Variants in SLAMF6 observed in about 807,000 individuals in gnomAD.
SLAMF6 encodes the protein SLAM family member 6.
SLAMF6 carries 21 observed loss-of-function variants against 38.3 expected under a neutral mutation model. The observed-to-expected ratio is 0.55, with a 90% CI of 0.39 to 0.79. SLAMF6 has a LOEUF of 0.79. Among genes scored for constraint, SLAMF6 ranks in the 30% least tolerant of loss-of-function variants. The probability of loss-of-function intolerance (pLI) is 0.00; values close to 1 mark genes in which losing one functional copy is unlikely to be tolerated. For synonymous variants in SLAMF6, 152 were observed against 146.3 expected, an observed-to-expected ratio of 1.04 and a Z score of -0.28; for missense variants, 341 against 385.3, an observed-to-expected ratio of 0.89 and a Z score of 0.96.
intron 3 of SLAMF6, 86 bp from the exon 4 acceptor site, chr1:160,490,771 C>T: frequency 6.5e-7 from 1 of 1,531,076 alleles, no homozygotes; most frequent in Non-Finnish European, 8.7e-7. Context: ...TCTTCTAGGC[C>T]ATCTTTGGGG....
Position 160,491,294 on chromosome 1 carries a change from A to T in SLAMF6, c.477T>A (p.Asp159Glu), listed in dbSNP as rs749437647. 1.2e-6 allele frequency: 2 copies of T among 1,614,094 alleles called. No homozygotes were observed. The highest frequency in any genetic ancestry group is 4.5e-5 in the East Asian group (2 of 44,876). ...LHLTCSVEDA[D>E]DNVSFRWEAL... ...CCTCCCATCTGAATGAGACATTGTC[A>T]TCTGCATCCTCCACAGAGCAAGTCA... Residue 159 changes from aspartate (D) to glutamate (E), a missense_variant, in exon 3 of 8, where the codon GAT becomes GAA. Physicochemically the swap from Asp to Glu is conservative, Grantham distance 45. Transcript: ENST00000368057.
intron 1 of SLAMF6, among the ~76,000 whole-genome samples, chr1:160,506,403 A>G (rs1487260083): frequency 6.6e-6 from 1 of 152,200 alleles, no homozygotes; most frequent in African/African-American, 2.4e-5. Context: ...CCCATCAACC[A>G]AGAATTCTAC....
intron 1 of SLAMF6, among the ~76,000 whole-genome samples, chr1:160,517,528 G>T (rs187668395): frequency 2.0e-5 from 3 of 152,016 alleles, no homozygotes; most frequent in Non-Finnish European, 2.9e-5. Flanking sequence ...AATATAAATC[G>T]CTCTGTTACA....
Position 160,486,477 on chromosome 1 carries a change from GA to G in SLAMF6, c.*229del, listed in dbSNP as rs972247181. On this transcript the variant is annotated 3_prime_UTR_variant, in exon 8 of 8. Coordinates refer to ENST00000368057, the MANE Select transcript of SLAMF6 (RefSeq NM_001184714.2). ...TGTTATCTTTAGCATGTTTTGGCCT[GA>G]AGTGGATTGGAAAATATTATTTGAA... 1.8e-5 allele frequency: 9 copies of G among 502,530 alleles called. No individual in the cohort carries two copies. Among genetic ancestry groups the G allele is most frequent in the Admixed American group, 3.5e-5 (1 of 28,804 alleles). The allele number at this position is 502,530 out of a possible 1,614,324, so 31.1% of individuals were successfully genotyped here.
At chr1:160,502,591 A>G (rs1257353727) in intron 1 of SLAMF6, among the ~76,000 whole-genome samples, 1 of 152,182 alleles carries the variant, frequency 6.6e-6, no homozygotes, top group African/African-American at 2.4e-5. Context: ...TGATTAGTGG[A>G]GGGTTAGTTT....
chr1:160,486,748 G>A lies in SLAMF6; in HGVS notation c.958C>T (p.Pro320Ser), dbSNP rs112281018. The A allele has an allele frequency of 8.7e-6, 14 of 1,613,884 alleles. No individual in the cohort carries two copies. Among genetic ancestry groups the A allele is most frequent in the Non-Finnish European group, 1.2e-5 (14 of 1,179,858 alleles). The change falls in exon 8 of 8, where the codon CCC becomes TCC. Residue 320 changes from proline (P) to serine (S), a missense_variant. Physicochemically the swap from Pro to Ser is moderately conservative, Grantham distance 74. Coordinates refer to ENST00000368057, the MANE Select transcript of SLAMF6 (RefSeq NM_001184714.2). ...AGGGCAGTTGCCCTGGAAAAAGTGG[G>A]TTTACTCTGTGGGAAAAAGAGGAAG... ...STINHSKESKPTFSRATALDN... is the reference protein window; with the variant it reads ...STINHSKESKSTFSRATALDN...
intron 1 of SLAMF6, among the ~76,000 whole-genome samples, chr1:160,513,805 C>G (rs368502012): frequency 6.6e-6 from 1 of 152,270 alleles, no homozygotes; most frequent in African/African-American, 2.4e-5. Flanking sequence ...TTCAGACAAT[C>G]AAATGCTGAG....
intron 1 of SLAMF6, among the ~76,000 whole-genome samples, chr1:160,499,692 C>T (rs1653780946): frequency 2.0e-5 from 3 of 152,176 alleles, no homozygotes; most frequent in African/African-American, 4.8e-5. Context: ...AATCCATGAG[C>T]ATGGAAAGTT....
intron 5 of SLAMF6, 92 bp from the exon 6 acceptor site, chr1:160,489,262 G>C (rs1653139399): frequency 8.0e-7 from 1 of 1,249,130 alleles, no homozygotes; most frequent in Non-Finnish European, 1.2e-6. Flanking sequence ...TGTGTCCCCA[G>C]ATAGGCAGGT....
chr1:160,516,071 T>C (rs545996368), intron 1 of SLAMF6, among the ~76,000 whole-genome samples: 4 of 152,332 alleles, frequency 2.6e-5, no homozygotes, highest in African/African-American at 9.6e-5. Context: ...ATTATCTTTG[T>C]TTGCAGATGA....
chr1:160,505,617 G>C (rs956118555), intron 1 of SLAMF6, among the ~76,000 whole-genome samples: 4 of 152,202 alleles, frequency 2.6e-5, no homozygotes, highest in Admixed American at 2.6e-4. Context: ...TGCCCAGGCT[G>C]GTTTGAACTC....
intron 1 of SLAMF6, among the ~76,000 whole-genome samples, chr1:160,501,699 T>A (rs1253096400): frequency 1.9e-5 from 1 of 52,322 alleles, no homozygotes; most frequent in Non-Finnish European, 3.7e-5. Flanking sequence ...AATGCCTTGC[T>A]TTTTTTTTTT....
chr1:160,489,190 C>G lies in SLAMF6; in HGVS notation c.797-20G>C. 6.2e-7 allele frequency: 1 copy of G among 1,613,508 alleles called. No homozygotes were observed. The highest frequency in any genetic ancestry group is 1.1e-5 in the South Asian group (1 of 91,058). On this transcript the variant is annotated intron_variant, in intron 5 of 7. Transcript: ENST00000368057. ...ACTCTGCTGTTAACATAGGAAGGCA[C>G]AGTCAATGGCACAAGGACTCTGGGA...
At chr1:160,510,286 G>GA (rs1275709663) in intron 1 of SLAMF6, among the ~76,000 whole-genome samples, 1 of 151,824 alleles carries the variant, frequency 6.6e-6, no homozygotes, top group Non-Finnish European at 1.5e-5. Context: ...AAAAATATCA[G>GA]AAAAAAGAAA....
chr1:160,492,049 G>T (rs1269560895), intron 2 of SLAMF6, among the ~76,000 whole-genome samples: 1 of 152,166 alleles, frequency 6.6e-6, no homozygotes, highest in Non-Finnish European at 1.5e-5. Flanking sequence ...AAGCAATTCT[G>T]GGGAGCAAAG....
rs1228318344 is a variant in SLAMF6, at chr1:160,491,533, A to G, written c.383-145T>C. 14 of 1,161,288 alleles carry G rather than the reference A, an allele frequency of 1.2e-5. No individual in the cohort carries two copies. In the East Asian group the frequency reaches 1.8e-4, roughly 15 times the overall value. 71.9% of individuals were successfully genotyped at this position (1,161,288 alleles called of 1,614,324 possible). A position where few individuals can be genotyped will look rare whatever the true frequency, so the allele number is the denominator to read the frequency against. On this transcript the variant is annotated intron_variant, in intron 2 of 7. Coordinates refer to ENST00000368057, the MANE Select transcript of SLAMF6 (RefSeq NM_001184714.2). ...AGACTCTGTAAATGACTCTGCTTAT[A>G]TTGCCTAATTGATGGTAGCAAGGTC... is the stretch of plus-strand genomic sequence containing the variant.
chr1:160,493,345 C>T (rs563240520), intron 2 of SLAMF6, among the ~76,000 whole-genome samples: 1 of 152,256 alleles, frequency 6.6e-6, no homozygotes, highest in Non-Finnish European at 1.5e-5. Context: ...TTCAATGAAG[C>T]CTGTTCTGAT....
intron 1 of SLAMF6, among the ~76,000 whole-genome samples, chr1:160,521,622 A>T (rs936185083): frequency 6.6e-6 from 1 of 152,012 alleles, no homozygotes; most frequent in African/African-American, 2.4e-5. Context: ...TTTTCTCCTC[A>T]GCTTAACATA....
chr1:160,519,220 T>C (rs1042826071), intron 1 of SLAMF6, among the ~76,000 whole-genome samples: 6 of 152,148 alleles, frequency 3.9e-5, no homozygotes, highest in Non-Finnish European at 7.4e-5. Context: ...CTCAAAATCA[T>C]TTGTCATTGG....
Sources: allele counts gnomAD v4.1 joint callset (sites outside exome capture counted in the v4.1 genomes callset), GRCh38; gene constraint gnomAD v4.1.1; transcripts MANE v1.5; gene names NCBI Gene and HGNC (gene_info 2026-07-23, HGNC 2026-07-21).